NXPE2: variants seen among roughly 807,000 people sequenced by gnomAD.
NXPE2 encodes NXPE family member 2.
In NXPE2, 34 loss-of-function variants were observed where a neutral mutation model predicts 34.4. That is an observed-to-expected ratio of 0.99 (90% CI 0.75 to 1.31). The LOEUF (loss-of-function observed/expected upper bound fraction) is 1.31, where lower values mean the gene tolerates loss of function less well. Among genes scored for constraint, NXPE2 ranks in the 40% most tolerant of loss-of-function variants. The pLI, the probability that NXPE2 is intolerant of heterozygous loss-of-function variation, is 0.00. For missense variants in NXPE2, 649 were observed against 672.5 expected (o/e 0.97, Z 0.39); for synonymous variants, 235 against 231.3 (o/e 1.02, Z -0.15).
At chr11:114,735,321 T>C in the NXPE2 span, among the ~76,000 whole-genome samples, 63 of 152,294 alleles carry the variant, frequency 4.1e-4, no homozygotes, top group Non-Finnish European at 8.8e-5. Flanking sequence ...ATCCACTTTT[T>C]ATTAGTGGTT....
the NXPE2 span, among the ~76,000 whole-genome samples, chr11:114,634,113 C>T: frequency 2.0e-5 from 3 of 151,572 alleles, no homozygotes; most frequent in Admixed American, 6.6e-5. Context: ...TCCACATCCT[C>T]TCCAGCACCT....
At chr11:114,517,730 A>C in the NXPE2 span, 1 of 152,292 alleles carries the variant, frequency 6.6e-6, no homozygotes, top group Non-Finnish European at 1.5e-5. Flanking sequence ...GGAAGAGAAT[A>C]GAGAAACCAG....
the NXPE2 span, among the ~76,000 whole-genome samples, chr11:114,716,437 C>T: frequency 1.3e-5 from 2 of 152,240 alleles, no homozygotes; most frequent in South Asian, 2.1e-4. Flanking sequence ...TAAAAATGCT[C>T]GGGAATATAG....
At chr11:114,698,877 A>T in intron 3 of NXPE2, 99 bp downstream of exon 3, 2 of 1,153,802 alleles carry the variant, frequency 1.7e-6, no homozygotes, top group Non-Finnish European at 2.4e-6. Flanking sequence ...CATGTCAATT[A>T]TGTTGACTAA....
At chr11:114,644,631 T>A in the NXPE2 span, among the ~76,000 whole-genome samples, 3 of 152,284 alleles carry the variant, frequency 2.0e-5, no homozygotes, top group East Asian at 3.9e-4. Context: ...AAAGAAGGCA[T>A]GAATAAATGG....
intron 3 of NXPE2, among the ~76,000 whole-genome samples, chr11:114,702,140 G>A (rs911111853): frequency 6.6e-6 from 1 of 152,158 alleles, no homozygotes; most frequent in Admixed American, 6.5e-5. Context: ...AAACATAAAT[G>A]AGGAGTTACC....
At chr11:114,544,440 C>T in the NXPE2 span, among the ~76,000 whole-genome samples, 4 of 152,130 alleles carry the variant, frequency 2.6e-5, no homozygotes, top group Non-Finnish European at 5.9e-5. Context: ...ATATTATCAA[C>T]TGATTTTTGA....
the NXPE2 span, among the ~76,000 whole-genome samples, chr11:114,625,311 A>G: frequency 2.0e-5 from 3 of 152,062 alleles, no homozygotes; most frequent in Non-Finnish European, 4.4e-5. Context: ...CCAGTGGATA[A>G]TAAGTGTTGC....
chr11:114,541,092 T>C, the NXPE2 span, among the ~76,000 whole-genome samples: 1 of 152,122 alleles, frequency 6.6e-6, no homozygotes, highest in South Asian at 2.1e-4. Context: ...GATTTACTTA[T>C]AACCACAGGT....
chr11:114,611,883 C>A, the NXPE2 span, among the ~76,000 whole-genome samples: 2 of 151,764 alleles, frequency 1.3e-5, no homozygotes, highest in African/African-American at 4.8e-5. Context: ...AGAAATATTG[C>A]CTCATGGGTA....
the NXPE2 span, among the ~76,000 whole-genome samples, chr11:114,756,377 G>A: frequency 6.6e-6 from 1 of 151,994 alleles, no homozygotes; most frequent in Non-Finnish European, 1.5e-5. Context: ...GTTGTTGTGA[G>A]GATCAAATGA....
the NXPE2 span, among the ~76,000 whole-genome samples, chr11:114,590,712 G>A: frequency 6.6e-6 from 1 of 152,178 alleles, no homozygotes; most frequent in African/African-American, 2.4e-5. Context: ...GGCTACCTGA[G>A]TAAGAAACTT....
downstream of NXPE2, among the ~76,000 whole-genome samples, chr11:114,711,298 A>G (rs1021352549): frequency 6.6e-6 from 1 of 152,116 alleles, no homozygotes; most frequent in Non-Finnish European, 1.5e-5. Context: ...GACAAAAAAA[A>G]GAAAAGACAC....
At position 114,706,517 on chromosome 11, in the gene NXPE2, TTC is replaced by T. The variant is rs1174055671; in HGVS notation, c.1270_1271del (p.Val425GlufsTer3). On this transcript the variant is annotated frameshift_variant, in exon 6 of 6. Coordinates refer to ENST00000389586, the MANE Select transcript of NXPE2 (RefSeq NM_182495.6). LOFTEE classifies it low-confidence loss of function (END_TRUNC). ...TCATCCATTTGTTACCAAAAAATTA[TTC>T]TCAGTGAAAGATGAAAACTATATCC... ...HGHPFVTKKL[F>X]SVKDENYIPR... 6.4e-7 allele frequency: 1 copy of T among 1,551,838 alleles called. No individual in the cohort carries two copies. Among genetic ancestry groups the T allele is most frequent in the Admixed American group, 2.0e-5 (1 of 51,000 alleles).
the NXPE2 span, among the ~76,000 whole-genome samples, chr11:114,759,090 ATG>A: frequency 0.2 from 30,550 of 151,596 alleles, 3,601 homozygotes; most frequent in South Asian, 0.29. Flanking sequence ...ATGCGTACAC[ATG>A]CGCACACACA....
At chr11:114,492,314 T>C in the NXPE2 span, among the ~76,000 whole-genome samples, 1 of 152,116 alleles carries the variant, frequency 6.6e-6, no homozygotes, top group African/African-American at 2.4e-5. Flanking sequence ...TCCCTCTTGT[T>C]ATCGATTTGT....
At position 114,678,560 on chromosome 11, in the gene NXPE2, G is replaced by A; in HGVS notation, c.-16G>A. ...AGAGTCTCTGGACACTATAATTCCT[G>A]TGAGAACACGAGAAGATGGTGGAGA... On this transcript the variant is annotated 5_prime_UTR_variant, in exon 1 of 6. It adds an upstream start codon to the 5' untranslated region. Coordinates refer to ENST00000389586, the MANE Select transcript of NXPE2 (RefSeq NM_182495.6). The A allele has an allele frequency of 1.3e-6, 2 of 1,544,562 alleles. No individual in the cohort carries two copies. The highest frequency in any genetic ancestry group is 1.4e-5 in the African/African-American group (1 of 72,904).
intron 2 of NXPE2, among the ~76,000 whole-genome samples, chr11:114,690,305 C>T (rs1951127110): frequency 6.6e-6 from 1 of 152,138 alleles, no homozygotes; most frequent in African/African-American, 2.4e-5. Context: ...GATTAATTCC[C>T]TTAGCAAATA....
At chr11:114,802,742 A>G in the NXPE2 span, among the ~76,000 whole-genome samples, 1 of 152,178 alleles carries the variant, frequency 6.6e-6, no homozygotes. Context: ...CTCCAAGTAC[A>G]GTATGACATG....
Sources: gnomAD v4.1 joint callset for allele counts (sites outside exome capture counted in the v4.1 genomes callset) on GRCh38, gnomAD v4.1.1 for gene constraint, MANE v1.5 for transcripts, NCBI Gene and HGNC (gene_info 2026-07-23, HGNC 2026-07-21) for gene names.